The following TMCO4 variants were observed in gnomAD, a reference collection of about 807,000 sequenced individuals.
TMCO4 encodes transmembrane and coiled-coil domain-containing protein 4.
TMCO4 carries 58 observed loss-of-function variants against 64.7 expected under a neutral mutation model. That is an observed-to-expected ratio of 0.90 (90% CI 0.73 to 1.12). The LOEUF is 1.12. Ranked by LOEUF, TMCO4 falls within the 50% of genes most tolerant of loss-of-function variation. The probability of loss-of-function intolerance (pLI) is 0.00; values close to 1 mark genes in which losing one functional copy is unlikely to be tolerated. For missense variants in TMCO4, 780 were observed against 825.9 expected (o/e 0.94, Z 0.68); for synonymous variants, 325 against 346.1 (o/e 0.94, Z 0.68).
At chr1:19,704,207 G>A (rs1038502456) in intron 13 of TMCO4, among the ~76,000 whole-genome samples, 1 of 152,196 alleles carries the variant, frequency 6.6e-6, no homozygotes, top group Admixed American at 6.5e-5. Flanking sequence ...TTGTTTCCAG[G>A]ACAATGACAA....
At chr1:19,715,940 C>G (rs184509077) in intron 13 of TMCO4, among the ~76,000 whole-genome samples, 3 of 152,168 alleles carry the variant, frequency 2.0e-5, no homozygotes, top group African/African-American at 4.8e-5. Flanking sequence ...CCTGGAGTCC[C>G]TGAGATGGAG....
intron 13 of TMCO4, among the ~76,000 whole-genome samples, chr1:19,730,392 T>A (rs1015595331): frequency 6.6e-6 from 1 of 152,230 alleles, no homozygotes; most frequent in African/African-American, 2.4e-5. Context: ...TTGGGGATGT[T>A]TGTCACTGCG....
chr1:19,713,792 A>G (rs1195664488), intron 13 of TMCO4, among the ~76,000 whole-genome samples: 1 of 152,214 alleles, frequency 6.6e-6, no homozygotes, highest in South Asian at 2.1e-4. Flanking sequence ...TTCTCAGCCA[A>G]TAAATTATCT....
At chr1:19,788,222 A>C (rs1044221691) in intron 2 of TMCO4, among the ~76,000 whole-genome samples, 2 of 152,236 alleles carry the variant, frequency 1.3e-5, no homozygotes, top group African/African-American at 4.8e-5. Context: ...TATTCACACC[A>C]TGAGTCCAAT....
chr1:19,683,823 C>T (rs1437382880), intron 15 of TMCO4, among the ~76,000 whole-genome samples: 9 of 116,988 alleles, frequency 7.7e-5, no homozygotes, highest in Admixed American at 1.2e-4. Context: ...AGTGCCGTGG[C>T]GCAATCTTGG....
Position 19,709,300 on chromosome 1 carries a change from C to T in TMCO4, c.1265-8415G>A, listed in dbSNP as rs1018132657. ...TAACATCCCGGCGGGGGGGGGGGAC[C>T]CTAAAAATTAATCTGCACTGCCTGA... On this transcript the variant is annotated intron_variant, in intron 13 of 15. Transcript: ENST00000294543. Among the ~76,000 whole-genome samples the T allele has an allele frequency of 8.6e-5, 13 of 151,850 alleles. 1 individual carries two copies. Among genetic ancestry groups the T allele is most frequent in the Admixed American group, 3.3e-4 (5 of 15,260 alleles).
At chr1:19,694,598 C>G (rs2095223242) in intron 14 of TMCO4, 47 bp from the exon 15 acceptor site, 1 of 1,585,650 alleles carries the variant, frequency 6.3e-7, no homozygotes, top group South Asian at 1.1e-5. Context: ...CAGCCTCGGA[C>G]AGCCCAAGGA....
At chr1:19,703,430 T>C (rs559052932) in intron 13 of TMCO4, among the ~76,000 whole-genome samples, 2 of 151,914 alleles carry the variant, frequency 1.3e-5, no homozygotes, top group African/African-American at 2.4e-5. Context: ...CCCTTCCCTT[T>C]TTCTTTCCCT....
intron 15 of TMCO4, among the ~76,000 whole-genome samples, chr1:19,689,625 C>T (rs996283665): frequency 4.6e-5 from 7 of 152,258 alleles, no homozygotes; most frequent in African/African-American, 1.2e-4. Flanking sequence ...GTGCCAAAGG[C>T]TGTGCTCTTC....
rs1162896054 is a variant in TMCO4, at chr1:19,771,382, C to T, written c.280G>A (p.Glu94Lys). The change falls in exon 5 of 16, where the codon GAA becomes AAA. Residue 94 changes from glutamate to lysine, a missense_variant. By Grantham distance (56) the Glu-to-Lys change is moderately conservative. Coordinates refer to ENST00000294543, the MANE Select transcript of TMCO4 (RefSeq NM_181719.7). ...ATTTGAACAAACACATCTGCTCCTT[C>T]ACCTCCCAGGCCGCTCGCAAAAGCA... ...MTAFASGLGG[E>K]GADVFVQILL... 6.2e-7 allele frequency: 1 copy of T among 1,614,208 alleles called. No homozygotes were observed.
chr1:19,749,698 A>G (rs899167870), intron 7 of TMCO4, among the ~76,000 whole-genome samples: 1 of 152,170 alleles, frequency 6.6e-6, no homozygotes, highest in African/African-American at 2.4e-5. Flanking sequence ...CCAGTGCAGG[A>G]AAGTGATTCA....
intron 12 of TMCO4, among the ~76,000 whole-genome samples, chr1:19,738,908 ATGT>A (rs1378806940): frequency 3.3e-5 from 5 of 152,206 alleles, no homozygotes; most frequent in African/African-American, 7.2e-5. Context: ...ACCAACTGAA[ATGT>A]TGTAAGGCTT....
intron 2 of TMCO4, among the ~76,000 whole-genome samples, chr1:19,787,770 C>T (rs1249167471): frequency 6.6e-6 from 1 of 151,990 alleles, no homozygotes; most frequent in Non-Finnish European, 1.5e-5. Flanking sequence ...TTCTTTCTTT[C>T]TTTTTGAGAC....
intron 13 of TMCO4, among the ~76,000 whole-genome samples, chr1:19,701,391 C>G (rs1216502790): frequency 2.0e-5 from 3 of 152,170 alleles, no homozygotes; most frequent in Non-Finnish European, 4.4e-5. Context: ...AGTCTGGTCT[C>G]CAACTCCTGA....
Position 19,780,771 on chromosome 1 carries a change from A to C in TMCO4, c.-8-5T>G, listed in dbSNP as rs778681070. ...TCCACATGGCCATTCCCAGCGCTGCAGGAGAAAATTCCCAGTGAGAAATGC... is the reference window on the plus strand; with the variant it reads ...TCCACATGGCCATTCCCAGCGCTGCCGGAGAAAATTCCCAGTGAGAAATGC... On this transcript the variant is annotated splice_polypyrimidine_tract_variant and splice_region_variant and intron_variant, in intron 3 of 15. Coordinates refer to ENST00000294543, the MANE Select transcript of TMCO4 (RefSeq NM_181719.7). 7 of 1,552,784 alleles carry C rather than the reference A, an allele frequency of 4.5e-6. No homozygotes were observed. Among genetic ancestry groups the C allele is most frequent in the Non-Finnish European group, 6.1e-6 (7 of 1,153,720 alleles).
At chr1:19,774,147 A>G (rs921224097) in intron 4 of TMCO4, among the ~76,000 whole-genome samples, 2 of 152,210 alleles carry the variant, frequency 1.3e-5, no homozygotes, top group African/African-American at 4.8e-5. Flanking sequence ...TGGGGTGGTA[A>G]TGAGGTATGT....
intron 7 of TMCO4, among the ~76,000 whole-genome samples, chr1:19,752,425 A>G (rs942306465): frequency 6.6e-6 from 1 of 152,152 alleles, no homozygotes; most frequent in Non-Finnish European, 1.5e-5. Context: ...AGCCAGAGAT[A>G]CCTCCTGAAG....
At chr1:19,759,038 G>A (rs1318978810) in intron 6 of TMCO4, among the ~76,000 whole-genome samples, 2 of 146,732 alleles carry the variant, frequency 1.4e-5, no homozygotes, top group African/African-American at 2.5e-5. Flanking sequence ...GGAGGCAGAG[G>A]TTGTAGTGAG....
At chr1:19,691,949 G>C (rs565824066) in intron 15 of TMCO4, among the ~76,000 whole-genome samples, 13 of 152,274 alleles carry the variant, frequency 8.5e-5, no homozygotes, top group African/African-American at 2.9e-4. Context: ...TCTCTTCTCT[G>C]TCTTGCCTGC....
Sources: gnomAD v4.1 joint callset for allele counts (sites outside exome capture counted in the v4.1 genomes callset) on GRCh38, gnomAD v4.1.1 for gene constraint, MANE v1.5 for transcripts, NCBI Gene and HGNC (gene_info 2026-07-23, HGNC 2026-07-21) for gene names.